Variants in DSC3 observed in about 807,000 individuals in gnomAD.
The protein encoded by DSC3 is desmocollin-3.
In DSC3, 97 loss-of-function variants were observed where a neutral mutation model predicts 89.5. The ratio of observed to expected loss-of-function variants is 1.08; its 90% CI spans 0.92 to 1.28. DSC3 has a LOEUF of 1.28. Ranked by LOEUF, DSC3 falls within the 50% of genes most tolerant of loss-of-function variation. DSC3 has a pLI of 0.00. For missense variants in DSC3, 1,199 were observed against 1,085.3 expected (o/e 1.10, Z -1.47); for synonymous variants, 436 against 384.1 (o/e 1.14, Z -1.58).
At chr18:31,025,397 T>C (rs1008903582) in intron 5 of DSC3, among the ~76,000 whole-genome samples, 7 of 152,224 alleles carry the variant, frequency 4.6e-5, no homozygotes, top group African/African-American at 1.4e-4. Flanking sequence ...GATACAGGAT[T>C]CTTCCAATCA....
Position 30,994,144 on chromosome 18 carries a change from C to G in DSC3, c.*31G>C, listed in dbSNP as rs1278852048. On this transcript the variant is annotated 3_prime_UTR_variant, in exon 16 of 16. Coordinates refer to ENST00000360428, the MANE Select transcript of DSC3 (RefSeq NM_001941.5). ...TTATTTTTGGAAACCTCCAGAATGT[C>G]TGACAAAGACCTAATTGTAGCACTG... 2 of 1,602,662 alleles carry G rather than the reference C, an allele frequency of 1.2e-6. No homozygotes were observed. The highest frequency in any genetic ancestry group is 3.3e-5 in the Admixed American group (2 of 59,962).
intron 7 of DSC3, among the ~76,000 whole-genome samples, chr18:31,022,027 A>T (rs1266645058): frequency 1.3e-5 from 2 of 152,140 alleles, no homozygotes; most frequent in East Asian, 1.9e-4. Flanking sequence ...TAATTGTCCT[A>T]CATGAAAATT....
intron 10 of DSC3, 42 bp downstream of exon 10, chr18:31,008,227 T>C (rs1202387436): frequency 6.2e-7 from 1 of 1,611,788 alleles, no homozygotes. Flanking sequence ...TCTCAATGAT[T>C]ACAAATACAT....
chr18:31,008,174 A>T lies in DSC3; in HGVS notation c.1521-16T>A. ...TTTTTTGTACCTGTTAATAAAAAAA[A>T]AATAGTCTTTAGCATCAGAAAATGT... On this transcript the variant is annotated splice_polypyrimidine_tract_variant and intron_variant, in intron 10 of 15. Coordinates refer to ENST00000360428, the MANE Select transcript of DSC3 (RefSeq NM_001941.5). The T allele has an allele frequency of 6.2e-7, 1 of 1,608,020 alleles. No homozygotes were observed. The highest frequency in any genetic ancestry group is 8.5e-7 in the Non-Finnish European group (1 of 1,175,990).
chr18:31,013,233 A>G (rs1255207963), intron 9 of DSC3, among the ~76,000 whole-genome samples: 3 of 130,766 alleles, frequency 2.3e-5, no homozygotes, highest in African/African-American at 9.0e-5. Context: ...TATGACAAAG[A>G]AAATATGTCA....
At chr18:31,019,656 G>C (rs1985354213) in intron 7 of DSC3, among the ~76,000 whole-genome samples, 1 of 152,134 alleles carries the variant, frequency 6.6e-6, no homozygotes, top group Non-Finnish European at 1.5e-5. Flanking sequence ...AGCTGGGCAT[G>C]GTGGTATGTG....
chr18:31,041,959 C>A (rs1384666258), intron 1 of DSC3, among the ~76,000 whole-genome samples: 1 of 152,100 alleles, frequency 6.6e-6, no homozygotes, highest in African/African-American at 2.4e-5. Flanking sequence ...GCCCGGTCTT[C>A]CCACACTTTC....
At chr18:31,040,369 G>T (rs1986093277) in intron 1 of DSC3, among the ~76,000 whole-genome samples, 1 of 152,122 alleles carries the variant, frequency 6.6e-6, no homozygotes, top group African/African-American at 2.4e-5. Flanking sequence ...CTGATCTCAT[G>T]TAAATTAGTT....
At chr18:31,004,887 G>A (rs974070447) in intron 12 of DSC3, among the ~76,000 whole-genome samples, 1 of 152,078 alleles carries the variant, frequency 6.6e-6, no homozygotes, top group African/African-American at 2.4e-5. Context: ...TACTTATAAG[G>A]CTTACACAAA....
intron 9 of DSC3, among the ~76,000 whole-genome samples, chr18:31,013,553 C>T (rs1161032965): frequency 1.3e-5 from 2 of 152,010 alleles, no homozygotes; most frequent in African/African-American, 4.8e-5. Flanking sequence ...AAAAATATTT[C>T]CTTCCGTAAA....
At chr18:31,042,055 T>C (rs1383906390) in intron 1 of DSC3, among the ~76,000 whole-genome samples, 1 of 152,016 alleles carries the variant, frequency 6.6e-6, no homozygotes, top group Non-Finnish European at 1.5e-5. Context: ...TTAGGGGAGA[T>C]ACCGAGAAAC....
intron 9 of DSC3, among the ~76,000 whole-genome samples, chr18:31,013,350 A>G (rs1435322077): frequency 6.6e-6 from 1 of 152,128 alleles, no homozygotes; most frequent in African/African-American, 2.4e-5. Flanking sequence ...ATAATTAAAC[A>G]ATAATAATGT....
chr18:31,013,777 G>T (rs781449659), intron 9 of DSC3, among the ~76,000 whole-genome samples: 2 of 152,048 alleles, frequency 1.3e-5, no homozygotes, highest in African/African-American at 2.4e-5. Context: ...CAACAGGCAT[G>T]TGTGTACATT....
At chr18:30,995,904 C>T (rs1020745937) in intron 15 of DSC3, among the ~76,000 whole-genome samples, 1 of 134,554 alleles carries the variant, frequency 7.4e-6, no homozygotes, top group African/African-American at 2.8e-5. Context: ...CCCAGGAGGT[C>T]AAGGCTGCAG....
At chr18:30,995,088 A>T (rs1176414266) in intron 15 of DSC3, among the ~76,000 whole-genome samples, 1 of 152,234 alleles carries the variant, frequency 6.6e-6, no homozygotes, top group African/African-American at 2.4e-5. Flanking sequence ...TTTATAATGA[A>T]GACGCCATGC....
At chr18:31,031,230 T>G in intron 2 of DSC3, 58 bp from the exon 3 acceptor site, 1 of 1,175,602 alleles carries the variant, frequency 8.5e-7, no homozygotes. Flanking sequence ...AAAAACGTGT[T>G]AAAATAATTT....
chr18:30,999,349 T>C (rs1984577971), intron 14 of DSC3, among the ~76,000 whole-genome samples: 1 of 151,426 alleles, frequency 6.6e-6, no homozygotes, highest in African/African-American at 2.4e-5. Flanking sequence ...TAGAAAAAAA[T>C]ACCAGAAAAA....
In DSC3 at chr18:30,993,888, C is replaced by A; in HGVS notation, c.*287G>T. 3.4e-6 allele frequency: 1 copy of A among 295,296 alleles called. No individual in the cohort carries two copies. The highest frequency in any genetic ancestry group is 2.2e-5 in the African/African-American group (1 of 45,222). 18.3% of individuals were successfully genotyped at this position (295,296 alleles called of 1,614,324 possible). A position where few individuals can be genotyped will look rare whatever the true frequency, so the allele number is the denominator to read the frequency against. ...AGCTATTGTTGGACTAATATTTATC[C>A]AGCATATTTATTACTAAAATATCCG... On this transcript the variant is annotated 3_prime_UTR_variant, in exon 16 of 16. Transcript: ENST00000360428.
In DSC3 at chr18:30,994,244, A is replaced by G. The variant is rs748347297; in HGVS notation, c.2622T>C (p.Asp874=). 3 of 1,614,096 alleles carry G rather than the reference A, an allele frequency of 1.9e-6. No homozygotes were observed. The highest frequency in any genetic ancestry group is 8.5e-7 in the Non-Finnish European group (1 of 1,179,996). ...VGCCSEKQEE[D]GLDFLNNLEP... is the part of the protein sequence containing the mutation. ...CCAAATTATTTAAAAAGTCAAGGCC[A>G]TCTTCTTCCTGCTTTTCACTGCAGC... The change falls in exon 16 of 16, where the codon GAT becomes GAC. Residue 874 remains aspartate, a synonymous_variant. Transcript: ENST00000360428.
Sources: allele counts gnomAD v4.1 joint callset (sites outside exome capture counted in the v4.1 genomes callset), GRCh38; gene constraint gnomAD v4.1.1; transcripts MANE v1.5; gene names NCBI Gene and HGNC (gene_info 2026-07-23, HGNC 2026-07-21).